NAV2: variants seen among roughly 807,000 people sequenced by gnomAD.
The protein encoded by NAV2 is neuron navigator 2.
NAV2 carries 54 observed loss-of-function variants against 223.2 expected under a neutral mutation model. The ratio of observed to expected loss-of-function variants is 0.24; its 90% confidence interval spans 0.19 to 0.30. The LOEUF is 0.30. NAV2 is among the 10% of genes least tolerant of loss of function. The pLI, the probability that NAV2 is intolerant of heterozygous loss-of-function variation, is 1.00. For synonymous variants in NAV2, 1,279 were observed against 1,239.3 expected, an observed-to-expected ratio of 1.03 and a Z score of -0.67; for missense variants, 2,806 against 3,147.5, an observed-to-expected ratio of 0.89 and a Z score of 2.60.
intron 1 of NAV2, among the ~76,000 whole-genome samples, chr11:19,535,626 A>G (rs535200831): frequency 1.3e-5 from 2 of 152,316 alleles, no homozygotes; most frequent in South Asian, 4.1e-4. Context: ...TTTATCCCTT[A>G]TTAATAAATT....
intron 1 of NAV2, among the ~76,000 whole-genome samples, chr11:19,654,491 A>G (rs2048060567): frequency 6.6e-6 from 1 of 152,180 alleles, no homozygotes; most frequent in African/African-American, 2.4e-5. Flanking sequence ...ACTTCAAACT[A>G]TACTACAAGG....
At chr11:19,928,669 C>T (rs2045016188) in intron 6 of NAV2, among the ~76,000 whole-genome samples, 1 of 152,202 alleles carries the variant, frequency 6.6e-6, no homozygotes, top group Admixed American at 6.5e-5. Context: ...AGCCGGTTTT[C>T]TCCATCAAGA....
In NAV2 at chr11:20,049,168, A is replaced by G; in HGVS notation, c.4343A>G (p.Asn1448Ser). The change falls in exon 15 of 38, where the codon AAC becomes AGC. Residue 1448 changes from asparagine to serine, a missense_variant. Physicochemically the swap from Asn to Ser is conservative, Grantham distance 46 (BLOSUM62 1). This residue lies in a region of NAV2 where 742 missense variants were observed against 777.9 expected (regional missense o/e 0.95). Coordinates refer to ENST00000349880, the MANE Select transcript of NAV2 (RefSeq NM_145117.5). ...DDSLTPFVRT[N>S]SVKTTLSESP... ...TCCTTGACTCCCTTTGTCAGAACTA[A>G]CAGTGTGAAGACCACACTGTCAGAA... 1 of 1,608,132 alleles carries G rather than the reference A, an allele frequency of 6.2e-7. No homozygotes were observed. Among genetic ancestry groups the G allele is most frequent in the Non-Finnish European group, 8.5e-7 (1 of 1,177,036 alleles).
intron 1 of NAV2, among the ~76,000 whole-genome samples, chr11:19,596,077 T>C (rs2046199933): frequency 6.6e-6 from 1 of 152,246 alleles, no homozygotes; most frequent in Non-Finnish European, 1.5e-5. Flanking sequence ...TAAATTGTTT[T>C]CATAACCCAG....
At chr11:19,870,859 C>T (rs941402284) in intron 4 of NAV2, among the ~76,000 whole-genome samples, 17 of 151,996 alleles carry the variant, frequency 1.1e-4, no homozygotes, top group African/African-American at 3.9e-4. Flanking sequence ...ATGATTATGG[C>T]GTCTTCTGGG....
chr11:20,036,767 G>T (rs2056414139), intron 12 of NAV2, among the ~76,000 whole-genome samples: 1 of 152,198 alleles, frequency 6.6e-6, no homozygotes, highest in Non-Finnish European at 1.5e-5. Context: ...ACAATCAACA[G>T]ATGTCCCAGT....
intron 22 of NAV2, among the ~76,000 whole-genome samples, chr11:20,075,976 C>T (rs1446176415): frequency 6.6e-6 from 1 of 152,200 alleles, no homozygotes; most frequent in Non-Finnish European, 1.5e-5. Flanking sequence ...TCTCACTCCT[C>T]TCATAGTTTC....
chr11:20,080,049 T>G lies in NAV2; in HGVS notation c.5180-15T>G. 6.2e-7 allele frequency: 1 copy of G among 1,612,586 alleles called. No homozygotes were observed. Among genetic ancestry groups the G allele is most frequent in the Non-Finnish European group, 8.5e-7 (1 of 1,179,696 alleles). On this transcript the variant is annotated splice_polypyrimidine_tract_variant and intron_variant, in intron 24 of 37. Coordinates refer to ENST00000349880, the MANE Select transcript of NAV2 (RefSeq NM_145117.5). ...CAGGTTGGCAGCTGCTGAAACACCC[T>G]GCCTTGGTCTCCAGGAAACGGCACT...
At chr11:19,809,293 G>C (rs949220951) in intron 1 of NAV2, among the ~76,000 whole-genome samples, 5 of 152,240 alleles carry the variant, frequency 3.3e-5, no homozygotes, top group Middle Eastern at 3.4e-3. Flanking sequence ...GAAATTTTCT[G>C]ATCTCAAATC....
intron 7 of NAV2, among the ~76,000 whole-genome samples, chr11:19,935,237 A>G (rs2045741816): frequency 6.6e-6 from 1 of 152,200 alleles, no homozygotes; most frequent in Non-Finnish European, 1.5e-5. Flanking sequence ...CAATTGGATA[A>G]CTAATACTTG....
At chr11:19,655,390 G>C (rs570213616) in intron 1 of NAV2, among the ~76,000 whole-genome samples, 1 of 152,122 alleles carries the variant, frequency 6.6e-6, no homozygotes, top group African/African-American at 2.4e-5. Flanking sequence ...TCCCATTAAT[G>C]GGTATATACC....
intron 1 of NAV2, among the ~76,000 whole-genome samples, chr11:19,751,400 C>A (rs941716150): frequency 2.6e-5 from 4 of 152,150 alleles, no homozygotes; most frequent in African/African-American, 9.7e-5. Context: ...AGGATGGTAG[C>A]AAGGTGTGGG....
intron 1 of NAV2, among the ~76,000 whole-genome samples, chr11:19,589,942 C>G (rs572895563): frequency 2.0e-5 from 3 of 152,306 alleles, no homozygotes; most frequent in Admixed American, 2.0e-4. Flanking sequence ...CAGCCCTGAG[C>G]TCACCGTGGG....
chr11:19,446,911 T>G (rs1450311228), intron 1 of NAV2, among the ~76,000 whole-genome samples: 1 of 152,188 alleles, frequency 6.6e-6, no homozygotes, highest in Non-Finnish European at 1.5e-5. Context: ...CAGCCTGGTC[T>G]CTCTAGTGCC....
At chr11:19,688,965 A>T (rs2152254376) in intron 1 of NAV2, among the ~76,000 whole-genome samples, 1 of 152,158 alleles carries the variant, frequency 6.6e-6, no homozygotes. Context: ...AAACTAGATT[A>T]TTTTTTCAGA....
chr11:19,980,621 A>G (rs1338518015), intron 10 of NAV2, among the ~76,000 whole-genome samples: 1 of 152,224 alleles, frequency 6.6e-6, no homozygotes, highest in Non-Finnish European at 1.5e-5. Flanking sequence ...TTTCAGATAA[A>G]CACACCCGTG....
At chr11:20,037,906 T>TA (rs2056546378) in intron 12 of NAV2, among the ~76,000 whole-genome samples, 1 of 87,618 alleles carries the variant, frequency 1.1e-5, no homozygotes, top group Non-Finnish European at 2.2e-5. Context: ...CCTTAGATAC[T>TA]AAGGAAGGAA....
intron 10 of NAV2, chr11:19,979,203 A>C (rs972742154): frequency 6.6e-6 from 1 of 152,236 alleles, no homozygotes; most frequent in African/African-American, 2.4e-5. Context: ...AATCTGTAGA[A>C]GAAAGTACTG....
intron 1 of NAV2, among the ~76,000 whole-genome samples, chr11:19,525,342 T>C (rs747671027): frequency 6.6e-6 from 1 of 152,250 alleles, no homozygotes; most frequent in Non-Finnish European, 1.5e-5. Flanking sequence ...CAGGCTTTGC[T>C]GTGTGCCAAT....
Sources: allele counts gnomAD v4.1 joint callset (sites outside exome capture counted in the v4.1 genomes callset), GRCh38; gene constraint gnomAD v4.1.1; regional missense constraint gnomAD v4.1.1; transcripts MANE v1.5; gene names NCBI Gene and HGNC (gene_info 2026-07-23, HGNC 2026-07-21).